The following PRPF6 variants were observed in gnomAD, a reference collection of about 807,000 sequenced individuals.
The protein encoded by PRPF6 is pre-mRNA-processing factor 6.
A neutral mutation model predicts 118.3 loss-of-function variants in PRPF6; 42 were observed. That is an observed-to-expected ratio of 0.35 (90% confidence interval 0.28 to 0.46). PRPF6 has a LOEUF of 0.46. Among genes scored for constraint, PRPF6 ranks in the 20% least tolerant of loss-of-function variants. PRPF6 has a pLI of 1.00. For synonymous variants in PRPF6, 481 were observed against 485.1 expected (o/e 0.99, Z 0.11); for missense variants, 662 against 1,255.7 (o/e 0.53, Z 7.15).
At chr20:64,016,593 C>G (rs2059239480) in intron 11 of PRPF6, 130 bp from the exon 12 acceptor site, 2 of 1,215,256 alleles carry the variant, frequency 1.6e-6, no homozygotes, top group Non-Finnish European at 1.2e-6. Context: ...CCTCAGATCC[C>G]CAGTAGGCAG....
chr20:63,998,869 C>A (rs1169280827), intron 6 of PRPF6, among the ~76,000 whole-genome samples, 176 bp from the exon 7 acceptor site: 1 of 151,720 alleles, frequency 6.6e-6, no homozygotes, highest in Non-Finnish European at 1.5e-5. Context: ...AGATCTTTTT[C>A]CATACAGAAG....
chr20:64,007,008 C>T lies in PRPF6; in HGVS notation c.1187-3192C>T, dbSNP rs539750457. On this transcript the variant is annotated intron_variant, in intron 9 of 20. Transcript: ENST00000266079. ...AAACCACAGCAGACTTTTGTCTTCT[C>T]AGTCCCTTGACCCTAAGGGACTCCC... is the stretch of plus-strand genomic sequence containing the variant. Among the ~76,000 whole-genome samples, 5 of 152,360 alleles carry T rather than the reference C, an allele frequency of 3.3e-5. No individual in the cohort carries two copies. The South Asian group carries it at 1.0e-3, about 32-fold the overall frequency.
rs1219794044 is a variant in PRPF6 at position 64,027,215 on chromosome 20, C to A, written c.2205+57C>A. The A allele has an allele frequency of 5.0e-6, 8 of 1,594,096 alleles. No individual in the cohort carries two copies. Among genetic ancestry groups the A allele is most frequent in the Admixed American group, 3.4e-5 (2 of 58,572 alleles). On this transcript the variant is annotated intron_variant, in intron 16 of 20. Transcript: ENST00000266079. This position sits in a 1 kb window ranked among gnomAD's most constrained non-coding sequence, Gnocchi z 6.5. The stretch of plus-strand genomic sequence containing the variant: ...CTGACCCGGCATTCACAAAACTGAG[C>A]CCCCTGGTGCAGGGTCATTGCCCTT...
chr20:64,001,677 C>A (rs139836209), intron 9 of PRPF6, among the ~76,000 whole-genome samples: 23 of 152,204 alleles, frequency 1.5e-4, no homozygotes, highest in Non-Finnish European at 2.4e-4. Flanking sequence ...CAGAGCCACA[C>A]GTTGATTGAA....
intron 11 of PRPF6, among the ~76,000 whole-genome samples, chr20:64,016,063 A>G (rs1415967618): frequency 6.6e-6 from 1 of 151,840 alleles, no homozygotes; most frequent in Non-Finnish European, 1.5e-5. Context: ...AGCTGCAGTG[A>G]ACTATGATTG....
intron 3 of PRPF6, among the ~76,000 whole-genome samples, chr20:63,987,884 A>G (rs907298217): frequency 6.6e-6 from 1 of 151,954 alleles, no homozygotes; most frequent in Non-Finnish European, 1.5e-5. Flanking sequence ...CCCTGTCACT[A>G]TTAAGAATAC....
At chr20:63,997,898 G>A (rs1226152116) in intron 6 of PRPF6, among the ~76,000 whole-genome samples, 1 of 151,926 alleles carries the variant, frequency 6.6e-6, no homozygotes, top group Non-Finnish European at 1.5e-5. Context: ...GTTTAAGGCA[G>A]GATGAGACTT....
At chr20:64,024,464 G>T in intron 13 of PRPF6, 91 bp from the exon 14 acceptor site, 1 of 1,529,456 alleles carries the variant, frequency 6.5e-7, no homozygotes, top group South Asian at 1.1e-5. Flanking sequence ...AGCAGTAACT[G>T]TCTTTCTGGC....
At chr20:64,017,389 G>T (rs1412529694) in intron 12 of PRPF6, among the ~76,000 whole-genome samples, 1 of 150,102 alleles carries the variant, frequency 6.7e-6, no homozygotes, top group African/African-American at 2.5e-5. Context: ...AGAGTGCTGG[G>T]ATCACAGGCG....
Position 64,029,498 on chromosome 20 carries a change from G to C in PRPF6, c.2546+7G>C. ...TGCTCCTGGCCGTGGCCAAGTGAGT[G>C]GGGCCCCCACAGGATTGCTGAACCT... On this transcript the variant is annotated splice_region_variant and intron_variant, in intron 19 of 20. Coordinates refer to ENST00000266079, the MANE Select transcript of PRPF6 (RefSeq NM_012469.4). The surrounding 1 kb of genome is among the most constrained non-coding windows in gnomAD (Gnocchi z 4.8). 6.2e-7 allele frequency: 1 copy of C among 1,613,406 alleles called. No individual in the cohort carries two copies. The highest frequency in any genetic ancestry group is 1.1e-5 in the South Asian group (1 of 91,086).
chr20:64,001,562 C>T (rs529413989), intron 9 of PRPF6, among the ~76,000 whole-genome samples: 28 of 152,220 alleles, frequency 1.8e-4, no homozygotes, highest in Non-Finnish European at 3.7e-4. Flanking sequence ...AGCTCAAAGC[C>T]TGTGTCCTGG....
chr20:63,983,757 C>T (rs572877674), intron 2 of PRPF6, among the ~76,000 whole-genome samples: 1 of 151,186 alleles, frequency 6.6e-6, no homozygotes, highest in Admixed American at 6.6e-5. Context: ...CCATTTCAAG[C>T]GATTCTCCTG....
chr20:64,002,551 G>C (rs1266160974), intron 9 of PRPF6, among the ~76,000 whole-genome samples: 1 of 150,090 alleles, frequency 6.7e-6, no homozygotes, highest in Non-Finnish European at 1.5e-5. Flanking sequence ...GGCCGGGCTG[G>C]TCTCAAACTC....
chr20:64,016,651 T>G (rs1277154776), intron 11 of PRPF6, 72 bp from the exon 12 acceptor site: 1 of 1,589,088 alleles, frequency 6.3e-7, no homozygotes, highest in East Asian at 2.3e-5. Context: ...GTTCAGGAAC[T>G]CCGTACTCCC....
chr20:63,991,900 C>T (rs2059120375), intron 3 of PRPF6, among the ~76,000 whole-genome samples: 3 of 152,180 alleles, frequency 2.0e-5, no homozygotes, highest in African/African-American at 7.2e-5. Flanking sequence ...CATGTAGTCT[C>T]AACACCGAAG....
At chr20:64,002,616 G>A (rs148431029) in intron 9 of PRPF6, among the ~76,000 whole-genome samples, 16 of 151,028 alleles carry the variant, frequency 1.1e-4, no homozygotes, top group South Asian at 2.1e-4. Flanking sequence ...GATTACAGGC[G>A]TGAGCCCCTG....
chr20:64,022,942 C>G (rs1322425330), intron 13 of PRPF6, 64 bp downstream of exon 13: 2 of 1,611,082 alleles, frequency 1.2e-6, no homozygotes, highest in African/African-American at 1.3e-5. Context: ...TTGTGTAGCC[C>G]TGAATTTAAA....
At chr20:64,010,499 G>A (rs778027826) in intron 10 of PRPF6, among the ~76,000 whole-genome samples, 181 bp downstream of exon 10, 3 of 152,242 alleles carry the variant, frequency 2.0e-5, no homozygotes, top group Admixed American at 1.3e-4. Flanking sequence ...AGGCAGGGTG[G>A]TCAGTGGCCT....
intron 6 of PRPF6, among the ~76,000 whole-genome samples, chr20:63,998,612 C>T (rs1601516108): frequency 2.0e-5 from 3 of 149,226 alleles, no homozygotes; most frequent in South Asian, 2.1e-4. Context: ...GAGGCCGAGG[C>T]GGGCGGATCA....
Sources: gnomAD v4.1 joint callset for allele counts (sites outside exome capture counted in the v4.1 genomes callset) on GRCh38, gnomAD v4.1.1 for gene constraint, Gnocchi (gnomAD v3.1) non-coding constraint, MANE v1.5 for transcripts, NCBI Gene and HGNC (gene_info 2026-07-23, HGNC 2026-07-21) for gene names.